Variants in COQ3 observed in about 807,000 individuals in gnomAD.
COQ3 encodes the protein coenzyme Q3, methyltransferase.
A neutral mutation model predicts 33.1 loss-of-function variants in COQ3; 29 were observed. The ratio of observed to expected loss-of-function variants is 0.88; its 90% confidence interval spans 0.65 to 1.19. The LOEUF is 1.19. Ranked by LOEUF, COQ3 falls within the 50% of genes most tolerant of loss-of-function variation. The pLI is 0.00. For synonymous variants in COQ3, 173 were observed against 157.8 expected (o/e 1.10, Z -0.72); for missense variants, 437 against 430.7 (o/e 1.01, Z -0.13).
intron 1 of COQ3, among the ~76,000 whole-genome samples, chr6:99,388,307 A>G (rs1774714237): frequency 6.6e-6 from 1 of 152,256 alleles, no homozygotes; most frequent in Admixed American, 6.5e-5. Context: ...ATCATTTTAA[A>G]TCATTTCAAA....
At chr6:99,378,141 TATATATATATATATATTTAG>T (rs1378776202) in intron 3 of COQ3, among the ~76,000 whole-genome samples, 5 of 34,162 alleles carry the variant, frequency 1.5e-4, no homozygotes, top group Admixed American at 3.5e-4. Context: ...TATATATATA[TATATATATATATATATTTAG>T]AGAGAGAGAG....
chr6:99,385,670 T>C (rs1774605816), intron 1 of COQ3, among the ~76,000 whole-genome samples: 1 of 151,854 alleles, frequency 6.6e-6, no homozygotes, highest in African/African-American at 2.4e-5. Flanking sequence ...AATAATCATA[T>C]TGAAAAGGAA....
At chr6:99,384,059 C>A (rs1774548663) in intron 1 of COQ3, among the ~76,000 whole-genome samples, 1 of 151,888 alleles carries the variant, frequency 6.6e-6, no homozygotes, top group Non-Finnish European at 1.5e-5. Context: ...GGCCACCAGG[C>A]CCAGCTCATT....
intron 1 of COQ3, among the ~76,000 whole-genome samples, chr6:99,393,781 G>A (rs1418306519): frequency 1.3e-5 from 2 of 152,234 alleles, no homozygotes; most frequent in Non-Finnish European, 2.9e-5. Context: ...TCAGACTGCA[G>A]CACACGCAGA....
chr6:99,387,411 G>A (rs536481198), intron 1 of COQ3, among the ~76,000 whole-genome samples: 7 of 152,142 alleles, frequency 4.6e-5, no homozygotes, highest in Non-Finnish European at 8.8e-5. Context: ...TGATTGCACC[G>A]CTGCACTCCA....
intron 1 of COQ3, among the ~76,000 whole-genome samples, chr6:99,384,857 T>C (rs2128472836): frequency 6.6e-6 from 1 of 152,190 alleles, no homozygotes; most frequent in South Asian, 2.1e-4. Flanking sequence ...ACGCTTGTAA[T>C]CCCAGCACTT....
At chr6:99,387,941 G>T (rs1276853955) in intron 1 of COQ3, among the ~76,000 whole-genome samples, 5 of 152,104 alleles carry the variant, frequency 3.3e-5, no homozygotes, top group African/African-American at 1.2e-4. Flanking sequence ...GAGGCGGGTG[G>T]ATCACCCGAG....
intron 5 of COQ3, among the ~76,000 whole-genome samples, chr6:99,375,655 G>A (rs967853906): frequency 6.6e-6 from 1 of 152,118 alleles, no homozygotes; most frequent in Non-Finnish European, 1.5e-5. Context: ...AAAGTGCTGG[G>A]ATTACAGGCA....
intron 5 of COQ3, among the ~76,000 whole-genome samples, chr6:99,372,641 C>T (rs796975892): frequency 2.6e-5 from 4 of 152,290 alleles, no homozygotes; most frequent in African/African-American, 9.6e-5. Flanking sequence ...TGGTCTCGAA[C>T]TCCTGACCTT....
intron 5 of COQ3, among the ~76,000 whole-genome samples, chr6:99,373,172 T>G (rs1358626426): frequency 6.6e-6 from 1 of 152,258 alleles, no homozygotes; most frequent in East Asian, 1.9e-4. Context: ...TGGTGGCTCA[T>G]GCCTATAATT....
At chr6:99,385,870 G>C (rs1438627264) in intron 1 of COQ3, among the ~76,000 whole-genome samples, 2 of 151,334 alleles carry the variant, frequency 1.3e-5, no homozygotes, top group South Asian at 4.2e-4. Flanking sequence ...CCAGCTACCC[G>C]GGAGGCTGAG....
At position 99,377,636 on chromosome 6, in the gene COQ3, A is replaced by G. The variant is rs149286202; in HGVS notation, c.387-151T>C. ...ATAGATCTTTCAACATTGACATTTA[A>G]TTTATAAAACATTTTCAATAATCAA... On this transcript the variant is annotated intron_variant, in intron 3 of 6. Coordinates refer to ENST00000254759, the MANE Select transcript of COQ3 (RefSeq NM_017421.4). 1.1e-3 allele frequency: 558 copies of G among 518,222 alleles called. 4 individuals are homozygous for G. The highest frequency in any genetic ancestry group is 9.8e-3 in the African/African-American group (492 of 50,388). 32.1% of individuals were successfully genotyped at this position (518,222 alleles called of 1,614,324 possible). A position where few individuals can be genotyped will look rare whatever the true frequency, so the allele number is the denominator to read the frequency against.
chr6:99,369,940 G>T, intron 6 of COQ3, 120 bp from the exon 7 acceptor site: 1 of 644,264 alleles, frequency 1.6e-6, no homozygotes, highest in Non-Finnish European at 2.6e-6. Context: ...GATAGGAAAA[G>T]AAGAAAAAAA....
intron 4 of COQ3, among the ~76,000 whole-genome samples, chr6:99,376,637 C>A (rs1030749263): frequency 6.6e-6 from 1 of 152,150 alleles, no homozygotes; most frequent in Admixed American, 6.5e-5. Context: ...CTTCTCTCAG[C>A]TTTTTTATTT....
intron 1 of COQ3, among the ~76,000 whole-genome samples, chr6:99,392,894 T>G (rs1267294394): frequency 1.3e-5 from 2 of 152,152 alleles, no homozygotes; most frequent in Non-Finnish European, 2.9e-5. Context: ...CTTCTAAAAC[T>G]GGCCACCTCC....
At chr6:99,374,502 A>G (rs1282495002) in intron 5 of COQ3, among the ~76,000 whole-genome samples, 1 of 152,198 alleles carries the variant, frequency 6.6e-6, no homozygotes, top group Non-Finnish European at 1.5e-5. Context: ...AAATTTCAAT[A>G]AGAGCTATGC....
At chr6:99,370,832 C>G (rs1774124095) in intron 6 of COQ3, among the ~76,000 whole-genome samples, 1 of 151,890 alleles carries the variant, frequency 6.6e-6, no homozygotes, top group Non-Finnish European at 1.5e-5. Context: ...AACTGACAAG[C>G]ACTATTACTT....
At chr6:99,376,754 T>A (rs986944012) in intron 4 of COQ3, among the ~76,000 whole-genome samples, 8 of 151,954 alleles carry the variant, frequency 5.3e-5, no homozygotes, top group Non-Finnish European at 1.2e-4. Flanking sequence ...GTGAATCACC[T>A]GAGGTCAGGA....
chr6:99,369,740 G>C lies in COQ3; in HGVS notation c.970C>G (p.Leu324Val), dbSNP rs1774071693. Residue 324 changes from leucine (L) to valine (V), a missense_variant, in exon 7 of 7, where the codon CTT becomes GTT. Leu to Val is a conservative substitution (Grantham distance 32). Transcript: ENST00000254759. ...GYWHWSENTS[L>V]NYAAYAVKSR... ...TTCACAGCATAAGCTGCATAGTTAA[G>C]GCTGGTATTTTCACTCCAATGCCAG... The C allele has an allele frequency of 6.2e-7, 1 of 1,613,422 alleles. No homozygotes were observed. The highest frequency in any genetic ancestry group is 8.5e-7 in the Non-Finnish European group (1 of 1,179,522).
Sources: allele counts gnomAD v4.1 joint callset (sites outside exome capture counted in the v4.1 genomes callset), GRCh38; gene constraint gnomAD v4.1.1; transcripts MANE v1.5; gene names NCBI Gene and HGNC (gene_info 2026-07-23, HGNC 2026-07-21).